The following OAS3 variants were observed in gnomAD, a reference collection of about 807,000 sequenced individuals.
OAS3 encodes 2'-5'-oligoadenylate synthase 3.
In OAS3, 107 loss-of-function variants were observed where a neutral mutation model predicts 113.0. That is an observed-to-expected ratio of 0.95 (90% CI 0.81 to 1.11). The LOEUF (loss-of-function observed/expected upper bound fraction) is 1.11. Among genes scored for constraint, OAS3 ranks in the 50% most tolerant of loss-of-function variants. OAS3 has a pLI of 0.00. For missense variants in OAS3, 1,258 were observed against 1,389.1 expected (o/e 0.91, Z 1.50); for synonymous variants, 552 against 573.6 (o/e 0.96, Z 0.54).
At chr12:112,948,827 C>T (rs1238287637) in intron 5 of OAS3, 34 bp from the exon 6 acceptor site, 7 of 1,500,208 alleles carry the variant, frequency 4.7e-6, no homozygotes, top group Admixed American at 4.2e-5. Context: ...AACCACTGCG[C>T]CTGGCTGAGG....
At chr12:112,964,101 A>C (rs1049449386) in intron 10 of OAS3, 134 bp from the exon 11 acceptor site, 7 of 904,272 alleles carry the variant, frequency 7.7e-6, no homozygotes, top group Non-Finnish European at 1.2e-5. Context: ...CTCAGAACCT[A>C]CCCACCAGCT....
At chr12:112,942,959 A>G (rs1332500161) in intron 2 of OAS3, among the ~76,000 whole-genome samples, 1 of 151,884 alleles carries the variant, frequency 6.6e-6, no homozygotes, top group Non-Finnish European at 1.5e-5. Flanking sequence ...CATTTTTAAG[A>G]CAGGGTCTCA....
Position 112,954,861 on chromosome 12 carries a change from G to A in OAS3, c.1657+3886G>A, listed in dbSNP as rs1288899710. 6.6e-6 allele frequency among the ~76,000 whole-genome samples: 1 copy of A among 152,194 alleles called. No homozygotes were observed. The highest frequency in any genetic ancestry group is 1.5e-5 in the Non-Finnish European group (1 of 68,030). ...AGTTTTTTCCAATTCTGTGAAGAAA[G>A]TCATTGGTAGCTTGTTGGGGATGGC... On this transcript the variant is annotated intron_variant, in intron 7 of 15. Transcript: ENST00000228928. The surrounding 1 kb of genome is among the most constrained non-coding windows in gnomAD (Gnocchi z 4.0).
chr12:112,955,964 C>A (rs996454791), intron 7 of OAS3, among the ~76,000 whole-genome samples: 2 of 152,152 alleles, frequency 1.3e-5, no homozygotes, highest in Admixed American at 6.5e-5. Context: ...TCCATCTGGT[C>A]CTGGACTTTT....
chr12:112,952,337 T>C (rs1475140827), intron 7 of OAS3, among the ~76,000 whole-genome samples: 1 of 152,196 alleles, frequency 6.6e-6, no homozygotes, highest in African/African-American at 2.4e-5. Context: ...GCTTTAGTCC[T>C]CCTTTGTCAG....
chr12:112,964,106 C>G, intron 10 of OAS3, 129 bp from the exon 11 acceptor site: 1 of 968,078 alleles, frequency 1.0e-6, no homozygotes, highest in Non-Finnish European at 1.5e-6. Context: ...AACCTACCCA[C>G]CAGCTGAGAA....
rs1241613539 is a variant in OAS3 at position 112,963,056 on chromosome 12, T to C, written c.2084+154T>C. 1.3e-5 allele frequency among the ~76,000 whole-genome samples: 2 copies of C among 152,168 alleles called. No individual in the cohort carries two copies. The highest frequency in any genetic ancestry group is 2.9e-5 in the Non-Finnish European group (2 of 68,032). Reference sequence around the variant, plus strand: ...CTCTGGACTCTTTGCTGAGGAAGTGTGGACATAAGGAGTCCCAAAAGAAAC... The same window carrying C: ...CTCTGGACTCTTTGCTGAGGAAGTGCGGACATAAGGAGTCCCAAAAGAAAC... On this transcript the variant is annotated intron_variant, in intron 9 of 15. Transcript: ENST00000228928. This position sits in a 1 kb window ranked among gnomAD's most constrained non-coding sequence, Gnocchi z 4.6.
rs2043748565 is a variant in OAS3, at chr12:112,947,967, T to A, written c.897T>A (p.Ala299=). 1.2e-6 allele frequency: 2 copies of A among 1,601,234 alleles called. No homozygotes were observed. The highest frequency in any genetic ancestry group is 2.2e-5 in the South Asian group (2 of 89,320). ...KRPRPVILDP[A]DPTWDLGNGA... is the part of the protein sequence containing the mutation. The stretch of plus-strand genomic sequence containing the variant: ...GCAGGCCTGTGATCCTGGACCCAGC[T>A]GACCCCACATGGGACCTGGGGAATG... The change falls in exon 5 of 16, where the codon GCT becomes GCA. Residue 299 remains alanine, a synonymous_variant. Coordinates refer to ENST00000228928, the MANE Select transcript of OAS3 (RefSeq NM_006187.4).
At position 112,963,015 on chromosome 12, in the gene OAS3, T is replaced by G. The variant is rs2043902315; in HGVS notation, c.2084+113T>G. 1.4e-6 allele frequency: 2 copies of G among 1,407,124 alleles called. No individual in the cohort carries two copies. Among genetic ancestry groups the G allele is most frequent in the Admixed American group, 3.8e-5 (2 of 53,078 alleles). The allele number at this position is 1,407,124 out of a possible 1,614,324, so 87.2% of individuals were successfully genotyped here. On this transcript the variant is annotated intron_variant, in intron 9 of 15. Transcript: ENST00000228928. The surrounding 1 kb of genome is among the most constrained non-coding windows in gnomAD (Gnocchi z 4.6). ...GTAGGGTTTGGGGTGGCAATCCCAC[T>G]CCTCACTCTGCTTCCCTCTGGACTC...
intron 1 of OAS3, 128 bp from the exon 2 acceptor site, chr12:112,941,442 C>A: frequency 2.0e-6 from 2 of 999,194 alleles, no homozygotes; most frequent in South Asian, 1.6e-5. Context: ...TCCCGCGTGG[C>A]TTCAATGCCT....
Position 112,938,560 on chromosome 12 carries a change from G to T in OAS3, c.30G>T (p.Ala10=), listed in dbSNP as rs774025913. Residue 10 remains alanine (A), a synonymous_variant, in exon 1 of 16, where the codon GCG becomes GCT. Transcript: ENST00000228928. ...ACTTGTACAGCACCCCGGCCGCTGCGCTGGACAGGTTCGTGGCCAGAAGGC... is the reference window on the plus strand; with the variant it reads ...ACTTGTACAGCACCCCGGCCGCTGCTCTGGACAGGTTCGTGGCCAGAAGGC... MDLYSTPAA[A]LDRFVARRLQ... The T allele has an allele frequency of 3.1e-6, 5 of 1,610,014 alleles. No homozygotes were observed. Among genetic ancestry groups the T allele is most frequent in the Non-Finnish European group, 4.2e-6 (5 of 1,178,830 alleles).
intron 3 of OAS3, 22 bp downstream of exon 3, chr12:112,944,673 T>C: frequency 6.2e-7 from 1 of 1,613,188 alleles, no homozygotes; most frequent in Non-Finnish European, 8.5e-7. Context: ...TGGAAGGGTT[T>C]CTCCAGACAT....
Position 112,962,646 on chromosome 12 carries a change from A to G in OAS3, c.1834-6A>G. ...ACTCATCTTTGGTTGGCCTTGTGTGACACAGGTTGCGGCTCAGAACAAAGG... is the reference window on the plus strand; with the variant it reads ...ACTCATCTTTGGTTGGCCTTGTGTGGCACAGGTTGCGGCTCAGAACAAAGG... On this transcript the variant is annotated splice_region_variant and splice_polypyrimidine_tract_variant and intron_variant, in intron 8 of 15. Coordinates refer to ENST00000228928, the MANE Select transcript of OAS3 (RefSeq NM_006187.4). The G allele has an allele frequency of 6.2e-7, 1 of 1,612,108 alleles. No individual in the cohort carries two copies. Among genetic ancestry groups the G allele is most frequent in the African/African-American group, 1.3e-5 (1 of 74,992 alleles).
Position 112,971,857 on chromosome 12 carries a change from C to T in OAS3, c.*1884C>T, listed in dbSNP as rs2043986987. On this transcript the variant is annotated 3_prime_UTR_variant, in exon 16 of 16. Coordinates refer to ENST00000228928, the MANE Select transcript of OAS3 (RefSeq NM_006187.4). ...CCTGTGCCATATTGACAGCCTCCAT[C>T]CCTGTCCCCCATCTTGGTGCTGAAC... 6.6e-6 allele frequency: 1 copy of T among 152,338 alleles called. No individual in the cohort carries two copies. The highest frequency in any genetic ancestry group is 1.5e-5 in the Non-Finnish European group (1 of 68,134). The allele number at this position is 152,338 out of a possible 1,614,324, so 9.4% of individuals were successfully genotyped here.
At chr12:112,949,275 C>T in intron 6 of OAS3, 70 bp downstream of exon 6, 1 of 1,385,972 alleles carries the variant, frequency 7.2e-7, no homozygotes. Flanking sequence ...GAAGGAGTTA[C>T]AGCAATGGAG....
In OAS3 at chr12:112,946,853, C is replaced by T. The variant is rs375116374; in HGVS notation, c.747C>T (p.Ala249=). The T allele has an allele frequency of 3.4e-5, 55 of 1,613,996 alleles. No individual in the cohort carries two copies. The highest frequency in any genetic ancestry group is 4.3e-5 in the Non-Finnish European group (51 of 1,179,876). ...QGCKKDAFSL[A]EGLRTVLGLI... is the part of the protein sequence containing the mutation. ...GTAAGAAGGATGCTTTCAGCCTAGC[C>T]GAAGGCCTCCGAACTGTCCTGGGCC... Residue 249 remains alanine (A), a synonymous_variant, in exon 4 of 16, where the codon GCC becomes GCT. Transcript: ENST00000228928.
At chr12:112,957,844 G>A (rs1229685850) in intron 7 of OAS3, among the ~76,000 whole-genome samples, 1 of 152,170 alleles carries the variant, frequency 6.6e-6, no homozygotes, top group Non-Finnish European at 1.5e-5. Context: ...GAGTATCTTT[G>A]TGGTGTTCTC....
chr12:112,958,725 C>G (rs1179237071), intron 7 of OAS3, among the ~76,000 whole-genome samples: 1 of 152,252 alleles, frequency 6.6e-6, no homozygotes, highest in Non-Finnish European at 1.5e-5. Flanking sequence ...CAGAGGGGCA[C>G]CCAGCCATAT....
At chr12:112,948,342 A>C (rs1166870760) in intron 5 of OAS3, among the ~76,000 whole-genome samples, 1 of 151,994 alleles carries the variant, frequency 6.6e-6, no homozygotes, top group East Asian at 1.9e-4. Flanking sequence ...GTCTCTACTA[A>C]AAATACGAAA....
Sources: allele counts gnomAD v4.1 joint callset (sites outside exome capture counted in the v4.1 genomes callset), GRCh38; gene constraint gnomAD v4.1.1; non-coding constraint Gnocchi (gnomAD v3.1); transcripts MANE v1.5; gene names NCBI Gene and HGNC (gene_info 2026-07-23, HGNC 2026-07-21).